NWD1: variants seen among roughly 807,000 people sequenced by gnomAD.
The protein encoded by NWD1 is NACHT domain- and WD repeat-containing protein 1.
A neutral mutation model predicts 135.1 loss-of-function variants in NWD1; 129 were observed. The observed-to-expected ratio is 0.96, with a 90% CI of 0.83 to 1.11. The LOEUF (loss-of-function observed/expected upper bound fraction) is 1.11. Ranked by LOEUF, NWD1 falls within the 50% of genes least tolerant of loss-of-function variation. The pLI is 0.00. For missense variants in NWD1, 1,740 were observed against 1,851.3 expected, an observed-to-expected ratio of 0.94 and a Z score of 1.10; for synonymous variants, 773 against 786.0, an observed-to-expected ratio of 0.98 and a Z score of 0.28.
At chr19:16,771,075 G>A (rs1969396053) in intron 10 of NWD1, among the ~76,000 whole-genome samples, 1 of 152,096 alleles carries the variant, frequency 6.6e-6, no homozygotes, top group African/African-American at 2.4e-5. Flanking sequence ...CCAGACAGAA[G>A]GATTGCTAGA....
At chr19:16,794,377 A>T in intron 14 of NWD1, 86 bp from the exon 15 acceptor site, 1 of 771,218 alleles carries the variant, frequency 1.3e-6, no homozygotes, top group Non-Finnish European at 2.1e-6. Context: ...AAAACAAAAA[A>T]AATAAAAATT....
At chr19:16,809,173 T>C (rs1970845577) in intron 18 of NWD1, among the ~76,000 whole-genome samples, 2 of 151,246 alleles carry the variant, frequency 1.3e-5, no homozygotes, top group African/African-American at 4.9e-5. Context: ...CACTGCAGCC[T>C]CCCGGGTTCA....
At chr19:16,759,943 A>G (rs1968945025) in intron 7 of NWD1, among the ~76,000 whole-genome samples, 1 of 152,056 alleles carries the variant, frequency 6.6e-6, no homozygotes, top group Admixed American at 6.6e-5. Context: ...GCAGTGAGCC[A>G]AGATCGCACC....
At position 16,815,288 on chromosome 19, in the gene NWD1, A is replaced by G; in HGVS notation, c.*249A>G. The G allele has an allele frequency of 1.3e-6, 1 of 781,044 alleles. No homozygotes were observed. Among genetic ancestry groups the G allele is most frequent in the Non-Finnish European group, 2.4e-6 (1 of 418,166 alleles). 48.4% of individuals were successfully genotyped at this position (781,044 alleles called of 1,614,324 possible). ...GTCAGAAAGTGCCCAGGGAAATGAA[A>G]CCAAATCAAACAAATGCTCACAAGT... is the stretch of plus-strand genomic sequence containing the variant. On this transcript the variant is annotated 3_prime_UTR_variant, in exon 19 of 19. Coordinates refer to ENST00000524140, the MANE Select transcript of NWD1 (RefSeq NM_001007525.5).
At chr19:16,759,003 C>CAAAA (rs58283462) in intron 6 of NWD1, among the ~76,000 whole-genome samples, 5 of 74,926 alleles carry the variant, frequency 6.7e-5, no homozygotes, top group Admixed American at 3.6e-4. Context: ...AACTCTGTCT[C>CAAAA]AAAAAAAAAA....
At chr19:16,767,561 C>G (rs35935429) in intron 10 of NWD1, among the ~76,000 whole-genome samples, 71,744 of 151,736 alleles carry the variant, frequency 0.47, 19,338 homozygotes, top group African/African-American at 0.74. Context: ...GTTGCAGTGA[C>G]CAGAAATCCC....
At chr19:16,766,331 G>A (rs1427580943) in intron 10 of NWD1, among the ~76,000 whole-genome samples, 4 of 152,144 alleles carry the variant, frequency 2.6e-5, no homozygotes, top group African/African-American at 7.2e-5. Context: ...GAGCCTGGGA[G>A]GTCGAGGCTG....
At chr19:16,740,435 A>G (rs1222386789) in intron 4 of NWD1, among the ~76,000 whole-genome samples, 1 of 152,036 alleles carries the variant, frequency 6.6e-6, no homozygotes, top group Non-Finnish European at 1.5e-5. Context: ...TCCTGGGTTC[A>G]AGCAATTCTC....
chr19:16,784,597 G>A (rs1037137806), intron 12 of NWD1, among the ~76,000 whole-genome samples: 1 of 151,918 alleles, frequency 6.6e-6, no homozygotes, highest in Non-Finnish European at 1.5e-5. Flanking sequence ...GAACAGCAAG[G>A]AAATCATGAG....
intron 3 of NWD1, among the ~76,000 whole-genome samples, chr19:16,736,011 T>C (rs542354281): frequency 9.3e-5 from 14 of 150,722 alleles, no homozygotes; most frequent in African/African-American, 3.2e-4. Flanking sequence ...ACTGTTAACC[T>C]CCTGACTTTA....
chr19:16,739,806 A>G (rs1301267814), intron 4 of NWD1, among the ~76,000 whole-genome samples: 2 of 152,096 alleles, frequency 1.3e-5, no homozygotes, highest in African/African-American at 2.4e-5. Context: ...CAGCAGCCCC[A>G]GTGTCTCCAG....
intron 12 of NWD1, among the ~76,000 whole-genome samples, chr19:16,780,861 G>A (rs532072407): frequency 6.6e-6 from 1 of 152,126 alleles, no homozygotes; most frequent in East Asian, 1.9e-4. Flanking sequence ...GTCTCACTAT[G>A]TTGCTGAGGC....
intron 4 of NWD1, among the ~76,000 whole-genome samples, chr19:16,743,728 G>A (rs1968183738): frequency 6.6e-6 from 1 of 151,714 alleles, no homozygotes; most frequent in Non-Finnish European, 1.5e-5. Flanking sequence ...TGTTGCCCAG[G>A]CTGGACTGCG....
In NWD1 at chr19:16,810,437, C is replaced by CAAA. The variant is rs529841524; in HGVS notation, c.4287+2319_4287+2321dup. On this transcript the variant is annotated intron_variant, in intron 18 of 18. Coordinates refer to ENST00000524140, the MANE Select transcript of NWD1 (RefSeq NM_001007525.5). ...TGGGCGACAGAGTGAGACTCCATCTCAAAAAAAAAAAAAAAAAAAAGAAAG... is the reference window on the plus strand; with the variant it reads ...TGGGCGACAGAGTGAGACTCCATCTCAAAAAAAAAAAAAAAAAAAAAAAGAAAG... Among the ~76,000 whole-genome samples, 111 of 66,184 alleles carry CAAA rather than the reference C, an allele frequency of 1.7e-3. 2 individuals carry two copies. The highest frequency in any genetic ancestry group is 4.1e-3 in the African/African-American group (75 of 18,358). The allele number at this position is 66,184 out of a possible 152,430, so 43.4% of individuals were successfully genotyped here.
intron 12 of NWD1, among the ~76,000 whole-genome samples, chr19:16,788,270 A>T (rs186284196): frequency 1.9e-4 from 25 of 130,398 alleles, no homozygotes; most frequent in African/African-American, 8.8e-4. Context: ...AATAATAATA[A>T]TAATAATAAT....
At chr19:16,763,991 C>G (rs769679299) in intron 9 of NWD1, 46 bp downstream of exon 9, 1 of 1,146,028 alleles carries the variant, frequency 8.7e-7, no homozygotes, top group Admixed American at 1.7e-5. Flanking sequence ...GGTGACTGCA[C>G]CACGCTCCAG....
chr19:16,778,494 C>CTTCTTTTTTTTTTTTT lies in NWD1; in HGVS notation c.2609-847_2609-846insCTTTTTTTTTTTTTTT, dbSNP rs200410922. Among the ~76,000 whole-genome samples, 56 of 107,538 alleles carry CTTCTTTTTTTTTTTTT rather than the reference C, an allele frequency of 5.2e-4. 2 individuals carry two copies. Among genetic ancestry groups the CTTCTTTTTTTTTTTTT allele is most frequent in the African/African-American group, 1.0e-3 (22 of 21,052 alleles). The allele number at this position is 107,538 out of a possible 152,430, so 70.5% of individuals were successfully genotyped here. A position where few individuals can be genotyped will look rare whatever the true frequency, so the allele number is the denominator to read the frequency against. On this transcript the variant is annotated intron_variant, in intron 11 of 18. Coordinates refer to ENST00000524140, the MANE Select transcript of NWD1 (RefSeq NM_001007525.5). Reference sequence around the variant, plus strand: ...TCTTTTCTTTCTTCTTCTTCTTCTTCTTTTTTTTTTTTTTGTTGTTGTTGT... The same window carrying CTTCTTTTTTTTTTTTT: ...TCTTTTCTTTCTTCTTCTTCTTCTTCTTCTTTTTTTTTTTTTTTTTTTTTTTTTTTGTTGTTGTTGT...
chr19:16,743,185 A>G (rs1287378600), intron 4 of NWD1, among the ~76,000 whole-genome samples: 3 of 151,190 alleles, frequency 2.0e-5, no homozygotes, highest in Non-Finnish European at 2.9e-5. Flanking sequence ...TGTTGAGATT[A>G]CAGGCGTGAG....
intron 12 of NWD1, 21 bp from the exon 13 acceptor site, chr19:16,788,961 C>A (rs1023955634): frequency 6.3e-7 from 1 of 1,589,378 alleles, no homozygotes; most frequent in Non-Finnish European, 8.6e-7. Context: ...ATATACTCTC[C>A]CCTACCCTGG....
Sources: gnomAD v4.1 joint callset for allele counts (sites outside exome capture counted in the v4.1 genomes callset) on GRCh38, gnomAD v4.1.1 for gene constraint, MANE v1.5 for transcripts, NCBI Gene and HGNC (gene_info 2026-07-23, HGNC 2026-07-21) for gene names.